MTF1: variants seen among roughly 807,000 people sequenced by gnomAD.
The protein encoded by MTF1 is metal regulatory transcription factor 1, also known as MRE-binding transcription factor.
In MTF1, 22 loss-of-function variants were observed where a neutral mutation model predicts 70.4. That is an observed-to-expected ratio of 0.31 (90% CI 0.22 to 0.45). MTF1 has a LOEUF of 0.45. Among genes scored for constraint, MTF1 ranks in the 20% least tolerant of loss-of-function variants. MTF1 has a pLI of 1.00. For missense variants in MTF1, 649 were observed against 922.0 expected (o/e 0.70, Z 3.83); for synonymous variants, 333 against 352.8 (o/e 0.94, Z 0.63).
chr1:37,835,195 G>A lies in MTF1; in HGVS notation c.874C>T (p.Pro292Ser). ...AATGTTTTCTCACAGCCATTACTGGGGCAGAAGAAGGGTCTTTCACCTGCA... is the reference window on the plus strand; with the variant it reads ...AATGTTTTCTCACAGCCATTACTGGAGCAGAAGAAGGGTCTTTCACCTGCA... Reference protein sequence around the residue: ...THTGERPFFCPSNGCEKTFST... With the variant: ...THTGERPFFCSSNGCEKTFST... Residue 292 changes from proline to serine, a missense_variant, in exon 6 of 11, where the codon CCC (proline) becomes TCC (serine). By Grantham distance (74) the Pro-to-Ser change is moderately conservative. This residue lies in a region of MTF1 where 118 missense variants were observed against 287.2 expected (regional missense o/e 0.41). Transcript: ENST00000373036. 6.2e-7 allele frequency: 1 copy of A among 1,613,562 alleles called. No homozygotes were observed. The highest frequency in any genetic ancestry group is 8.5e-7 in the Non-Finnish European group (1 of 1,179,522).
Position 37,827,336 on chromosome 1 carries a change from GTTATTATTATTA to G in MTF1, c.1069-3536_1069-3525del, listed in dbSNP as rs71573764. ...TAAGCTTTGCAACCTCCTCATAGTTGTTATTATTATTATTATTATTATTATTATTATTATTAT... is the reference window on the plus strand; with the variant it reads ...TAAGCTTTGCAACCTCCTCATAGTTGTTATTATTATTATTATTATTATTAT... On this transcript the variant is annotated intron_variant, in intron 7 of 10. Coordinates refer to ENST00000373036, the MANE Select transcript of MTF1 (RefSeq NM_005955.3). Among the ~76,000 whole-genome samples, 289 of 144,072 alleles carry G rather than the reference GTTATTATTATTA, an allele frequency of 2.0e-3. 2 individuals carry two copies. Among genetic ancestry groups the G allele is most frequent in the African/African-American group, 6.6e-3 (257 of 38,956 alleles). The allele number at this position is 144,072 out of a possible 152,430, so 94.5% of individuals were successfully genotyped here. A position where few individuals can be genotyped will look rare whatever the true frequency, so the allele number is the denominator to read the frequency against.
At chr1:37,819,718 G>A (rs545777232) in intron 9 of MTF1, among the ~76,000 whole-genome samples, 16 of 151,870 alleles carry the variant, frequency 1.1e-4, no homozygotes, top group East Asian at 3.9e-4. Flanking sequence ...TTGGGAGGCC[G>A]AGGTGGGCGA....
intron 9 of MTF1, among the ~76,000 whole-genome samples, chr1:37,819,937 G>A (rs1640884435): frequency 9.8e-6 from 1 of 101,910 alleles, no homozygotes; most frequent in Non-Finnish European, 1.8e-5. Flanking sequence ...AGGCAACAGA[G>A]CAAGACTCTG....
intron 7 of MTF1, among the ~76,000 whole-genome samples, chr1:37,827,493 G>A (rs1157946050): frequency 6.6e-6 from 1 of 152,000 alleles, no homozygotes; most frequent in Non-Finnish European, 1.5e-5. Context: ...AAGTAGCTGG[G>A]ACTACAGGCG....
chr1:37,836,177 A>AC (rs1641167297), intron 4 of MTF1, among the ~76,000 whole-genome samples: 1 of 152,136 alleles, frequency 6.6e-6, no homozygotes, highest in Non-Finnish European at 1.5e-5. Flanking sequence ...GGTTTTAGAG[A>AC]TGGGAATGAT....
At chr1:37,830,181 A>T (rs921876358) in intron 7 of MTF1, among the ~76,000 whole-genome samples, 1 of 152,228 alleles carries the variant, frequency 6.6e-6, no homozygotes, top group Non-Finnish European at 1.5e-5. Context: ...CAGTGCAGAA[A>T]TTTCTTTTAG....
intron 2 of MTF1, among the ~76,000 whole-genome samples, chr1:37,848,079 C>G (rs1032146276): frequency 1.3e-5 from 2 of 152,148 alleles, no homozygotes; most frequent in Non-Finnish European, 2.9e-5. Flanking sequence ...TATCCTGGAA[C>G]CTAATCACAA....
At chr1:37,826,426 G>A (rs1289098699) in intron 7 of MTF1, 25 of 350,966 alleles carry the variant, frequency 7.1e-5, no homozygotes, top group South Asian at 4.9e-4. Context: ...GACTACAGGC[G>A]CACGCCACCA....
chr1:37,848,523 T>TG (rs1641366855), intron 2 of MTF1, among the ~76,000 whole-genome samples: 1 of 152,208 alleles, frequency 6.6e-6, no homozygotes, highest in African/African-American at 2.4e-5. Context: ...CAATGTCATA[T>TG]AACAGCAAAA....
Position 37,840,426 on chromosome 1 carries a change from T to C in MTF1, c.409-268A>G. On this transcript the variant is annotated intron_variant, in intron 2 of 10. Transcript: ENST00000373036. This position sits in a 1 kb window ranked among gnomAD's most constrained non-coding sequence, Gnocchi z 4.5. ...AACATAAGAATGTTTTCAGACTCTA[T>C]ATACATCTACCCACTAAAAGTACAC... 6 of 537,224 alleles carry C rather than the reference T, an allele frequency of 1.1e-5. No homozygotes were observed. The highest frequency in any genetic ancestry group is 2.1e-5 in the Non-Finnish European group (6 of 286,824). 33.3% of individuals were successfully genotyped at this position (537,224 alleles called of 1,614,324 possible). A position where few individuals can be genotyped will look rare whatever the true frequency, so the allele number is the denominator to read the frequency against.
At chr1:37,850,458 C>A (rs1243780272) in intron 2 of MTF1, among the ~76,000 whole-genome samples, 1 of 148,992 alleles carries the variant, frequency 6.7e-6, no homozygotes, top group Non-Finnish European at 1.5e-5. Flanking sequence ...CACAGTGAGA[C>A]CCTGTTTCAA....
At chr1:37,837,037 G>A (rs1641181189) in intron 4 of MTF1, among the ~76,000 whole-genome samples, 1 of 152,016 alleles carries the variant, frequency 6.6e-6, no homozygotes, top group South Asian at 2.1e-4. Flanking sequence ...TCATGACTCA[G>A]GAATGCATCT....
chr1:37,838,474 G>T, intron 4 of MTF1, 151 bp downstream of exon 4: 1 of 507,446 alleles, frequency 2.0e-6, no homozygotes. Flanking sequence ...CTAATCTGCA[G>T]TGGTTGGTTA....
At position 37,811,978 on chromosome 1, in the gene MTF1, G is replaced by T. The variant is rs1203657158; in HGVS notation, c.*3158C>A. 6 of 152,722 alleles carry T rather than the reference G, an allele frequency of 3.9e-5. No homozygotes were observed. The highest frequency in any genetic ancestry group is 1.4e-4 in the African/African-American group (6 of 41,462). The allele number at this position is 152,722 out of a possible 1,614,324, so 9.5% of individuals were successfully genotyped here. On this transcript the variant is annotated 3_prime_UTR_variant, in exon 11 of 11. Coordinates refer to ENST00000373036, the MANE Select transcript of MTF1 (RefSeq NM_005955.3). ...GGGCCAAGTTCACTAAGGCAGTTTG[G>T]TGGTGCCAGCCAGTTTCCTTACCAC... is the stretch of plus-strand genomic sequence containing the variant.
chr1:37,835,353 A>C (rs1278746556), intron 5 of MTF1, 138 bp from the exon 6 acceptor site: 1 of 722,580 alleles, frequency 1.4e-6, no homozygotes, highest in Non-Finnish European at 2.3e-6. Context: ...AATAAATTAC[A>C]CATTAATCAT....
chr1:37,814,896 C>T lies in MTF1; in HGVS notation c.*240G>A. On this transcript the variant is annotated 3_prime_UTR_variant, in exon 11 of 11. Transcript: ENST00000373036. ...AAGCAAAAGTGACATACAGTGCAGC[C>T]AAACAGTTCACTTATAACTTAGCTT... 1 of 492,810 alleles carries T rather than the reference C, an allele frequency of 2.0e-6. No individual in the cohort carries two copies. Among genetic ancestry groups the T allele is most frequent in the Non-Finnish European group, 3.6e-6 (1 of 276,800 alleles). The allele number at this position is 492,810 out of a possible 1,614,324, so 30.5% of individuals were successfully genotyped here. A position where few individuals can be genotyped will look rare whatever the true frequency, so the allele number is the denominator to read the frequency against.
At chr1:37,859,409 G>A in intron 1 of MTF1, 122 bp downstream of exon 1, 1 of 398,098 alleles carries the variant, frequency 2.5e-6, no homozygotes, top group African/African-American at 2.1e-5. Flanking sequence ...AAACGGAGAA[G>A]GGGTGGGGTC....
chr1:37,833,532 C>T (rs1226177702), intron 6 of MTF1, among the ~76,000 whole-genome samples: 3 of 152,332 alleles, frequency 2.0e-5, no homozygotes, highest in African/African-American at 7.2e-5. Flanking sequence ...CATGCACACA[C>T]TCAACAAACA....
intron 7 of MTF1, among the ~76,000 whole-genome samples, chr1:37,828,368 G>T (rs537768050): frequency 1.3e-5 from 2 of 152,130 alleles, no homozygotes; most frequent in East Asian, 3.9e-4. Flanking sequence ...GCAATGGCAC[G>T]ATTTCAGCTC....
Sources: allele counts gnomAD v4.1 joint callset (sites outside exome capture counted in the v4.1 genomes callset), GRCh38; gene constraint gnomAD v4.1.1; regional missense constraint gnomAD v4.1.1; non-coding constraint Gnocchi (gnomAD v3.1); transcripts MANE v1.5; gene names NCBI Gene and HGNC (gene_info 2026-07-23, HGNC 2026-07-21).